DVL1: variants seen among roughly 807,000 people sequenced by gnomAD.
DVL1 encodes the protein dishevelled segment polarity protein 1.
A neutral mutation model predicts 65.0 loss-of-function variants in DVL1; 49 were observed. That is an observed-to-expected ratio of 0.75 (90% confidence interval 0.60 to 0.96). The LOEUF (loss-of-function observed/expected upper bound fraction) is 0.96. Among genes scored for constraint, DVL1 ranks in the 40% least tolerant of loss-of-function variants. DVL1 has a pLI of 0.00. For synonymous variants in DVL1, 608 were observed against 433.9 expected (o/e 1.40, Z -4.99); for missense variants, 1,197 against 1,045.4 (o/e 1.15, Z -2.00).
At chr1:1,336,566 C>G in intron 14 of DVL1, 51 bp from the exon 15 acceptor site, 1 of 1,477,212 alleles carries the variant, frequency 6.8e-7, no homozygotes, top group Non-Finnish European at 8.9e-7. Context: ...CAGGCCCGGC[C>G]ACGTCCAGAA....
intron 5 of DVL1, among the ~76,000 whole-genome samples, chr1:1,341,043 AC>A (rs1376407229): frequency 4.2e-5 from 6 of 143,170 alleles, no homozygotes; most frequent in Non-Finnish European, 6.0e-5. Flanking sequence ...GCACACACGC[AC>A]CCCTGCACAC....
In DVL1 at chr1:1,342,089, G is replaced by A. The variant is rs200770886; in HGVS notation, c.430C>T (p.Arg144Trp). ...ETGTESMVSH[R>W]RERARRRNRE... ...TTCCGGCGTCGGGCACGCTCCCGCC[G>A]GTGACTGACCATGGACTCCGTGCCT... is the stretch of plus-strand genomic sequence containing the variant. Residue 144 changes from arginine (R) to tryptophan (W), a missense_variant, in exon 4 of 15, where the codon CGG (arginine) becomes TGG (tryptophan). Coordinates refer to ENST00000378888, the MANE Select transcript of DVL1 (RefSeq NM_001330311.2). 51 of 1,594,366 alleles carry A rather than the reference G, an allele frequency of 3.2e-5. No homozygotes were observed. In the East Asian group the frequency reaches 8.6e-4, roughly 27 times the overall value.
At position 1,337,260 on chromosome 1, in the gene DVL1, C is replaced by G. The variant is rs888580193; in HGVS notation, c.1714+717G>C. Reference sequence around the variant, plus strand: ...TGGCCGCCTCTCCTCTCTCGCCCTCCTTCCTGGGCCCTCCACGAAGCCACC... The same window carrying G: ...TGGCCGCCTCTCCTCTCTCGCCCTCGTTCCTGGGCCCTCCACGAAGCCACC... On this transcript the variant is annotated intron_variant, in intron 14 of 14. Transcript: ENST00000378888. Among the ~76,000 whole-genome samples, 3 of 152,260 alleles carry G rather than the reference C, an allele frequency of 2.0e-5. No homozygotes were observed. The East Asian group carries it at 5.8e-4, about 29-fold the overall frequency.
intron 1 of DVL1, among the ~76,000 whole-genome samples, chr1:1,343,957 C>T (rs576295906): frequency 5.3e-5 from 8 of 152,294 alleles, no homozygotes; most frequent in African/African-American, 1.9e-4. Flanking sequence ...AGAGGGCACC[C>T]AGGCAGGCCG....
chr1:1,339,866 G>A (rs1456104596), intron 8 of DVL1, 54 bp from the exon 9 acceptor site: 29 of 1,591,706 alleles, frequency 1.8e-5, no homozygotes, highest in African/African-American at 4.0e-5. Flanking sequence ...TCAGTCCACC[G>A]CCCCCGCAGA....
chr1:1,338,425 C>T lies in DVL1; in HGVS notation c.1351G>A (p.Val451Met). 6.2e-7 allele frequency: 1 copy of T among 1,610,796 alleles called. No homozygotes were observed. Among genetic ancestry groups the T allele is most frequent in the Non-Finnish European group, 8.5e-7 (1 of 1,178,508 alleles). The change falls in exon 13 of 15, where the codon GTG (valine) becomes ATG (methionine). Residue 451 changes from valine to methionine, a missense_variant. Coordinates refer to ENST00000378888, the MANE Select transcript of DVL1 (RefSeq NM_001330311.2). ...IANAVIGADV[V>M]DWLYTHVEGF... ...TCCACGTGTGTGTACAGCCAGTCCACCACGTCCGCCCCTGGCCGGCACCAG... is the reference window on the plus strand; with the variant it reads ...TCCACGTGTGTGTACAGCCAGTCCATCACGTCCGCCCCTGGCCGGCACCAG...
intron 5 of DVL1, 117 bp from the exon 6 acceptor site, chr1:1,340,620 G>A: frequency 8.9e-7 from 1 of 1,128,392 alleles, no homozygotes; most frequent in Non-Finnish European, 1.3e-6. Flanking sequence ...TCCAAAGCAG[G>A]CTCAGTGCCT....
chr1:1,340,960 C>T (rs1053934694), intron 5 of DVL1, among the ~76,000 whole-genome samples: 16 of 147,008 alleles, frequency 1.1e-4, no homozygotes, highest in Admixed American at 4.7e-4. Context: ...CCCCTGCACA[C>T]TACACACCTG....
intron 1 of DVL1, among the ~76,000 whole-genome samples, chr1:1,345,914 G>A (rs1320102680): frequency 6.6e-6 from 1 of 152,060 alleles, no homozygotes; most frequent in African/African-American, 2.4e-5. Flanking sequence ...CCCAGAGCCA[G>A]GGGCTCTCCA....
intron 3 of DVL1, 28 bp from the exon 4 acceptor site, chr1:1,342,184 G>C: frequency 6.5e-7 from 1 of 1,536,782 alleles, no homozygotes; most frequent in Non-Finnish European, 8.8e-7. Flanking sequence ...GGTGGGTGGG[G>C]AGGCCGTGGC....
At chr1:1,336,717 A>T (rs1643590184) in intron 14 of DVL1, among the ~76,000 whole-genome samples, 1 of 152,148 alleles carries the variant, frequency 6.6e-6, no homozygotes, top group Non-Finnish European at 1.5e-5. Flanking sequence ...TGGTGGGGGC[A>T]GTGGGAGGCA....
At chr1:1,345,502 C>T (rs1176329326) in intron 1 of DVL1, among the ~76,000 whole-genome samples, 2 of 152,198 alleles carry the variant, frequency 1.3e-5, no homozygotes, top group Non-Finnish European at 2.9e-5. Context: ...GGGGTCCCCG[C>T]GCCTCTGTAG....
In DVL1 at chr1:1,342,054, C is replaced by T; in HGVS notation, c.465G>A (p.Glu155=). ...GCTGGGCAGACATGACCACTGTACCCTCCTCGCGGTTCCGGCGTCGGGCAC... is the reference window on the plus strand; with the variant it reads ...GCTGGGCAGACATGACCACTGTACCTTCCTCGCGGTTCCGGCGTCGGGCAC... ...RERARRRNRE[E]AARTNGHPRG... is the part of the protein sequence containing the mutation. The change falls in exon 4 of 15, where the codon GAG becomes GAA. Residue 155 remains glutamate, a splice_region_variant and synonymous_variant. Coordinates refer to ENST00000378888, the MANE Select transcript of DVL1 (RefSeq NM_001330311.2). 6.4e-7 allele frequency: 1 copy of T among 1,574,110 alleles called. No homozygotes were observed. The highest frequency in any genetic ancestry group is 1.2e-5 in the South Asian group (1 of 86,010).
chr1:1,337,990 A>G lies in DVL1; in HGVS notation c.1701T>C (p.Ser567=). The change falls in exon 14 of 15, where the codon AGT becomes AGC. Residue 567 remains serine, a synonymous_variant. Transcript: ENST00000378888. ...CGGCGTTCTCACCTTCACTCTGCTG[A>G]CTCCCGGTGCTGCCGCTGCCATAGC... ...GFSYGSGSTG[S]QQSEGSKSSG... 1 of 1,610,674 alleles carries G rather than the reference A, an allele frequency of 6.2e-7. No individual in the cohort carries two copies. The highest frequency in any genetic ancestry group is 8.5e-7 in the Non-Finnish European group (1 of 1,179,464).
intron 2 of DVL1, 92 bp downstream of exon 2, chr1:1,342,596 AG>A: frequency 6.3e-7 from 1 of 1,578,376 alleles, no homozygotes. Context: ...CCAGCCTGCC[AG>A]GGCCTCCCCA....
In DVL1 at chr1:1,349,047, T is replaced by C. The variant is rs1048783503; in HGVS notation, c.19A>G (p.Ile7Val). 9 of 1,537,594 alleles carry C rather than the reference T, an allele frequency of 5.9e-6. No homozygotes were observed. The highest frequency in any genetic ancestry group is 7.0e-6 in the Non-Finnish European group (8 of 1,138,162). ...GTCTCCTCCTCGTCCATGTGGTAGA[T>C]AATCTTGGTCTCCGCCATGGCGCGG... MAETKI[I>V]YHMDEEETPY... Residue 7 changes from isoleucine (I) to valine (V), a missense_variant, in exon 1 of 15, where the codon ATC becomes GTC. Coordinates refer to ENST00000378888, the MANE Select transcript of DVL1 (RefSeq NM_001330311.2). The surrounding 1 kb of genome is among the most constrained non-coding windows in gnomAD (Gnocchi z 4.1).
At chr1:1,339,234 A>G (rs1643697611) in intron 11 of DVL1, 53 bp downstream of exon 11, 1 of 1,545,576 alleles carries the variant, frequency 6.5e-7, no homozygotes, top group African/African-American at 1.4e-5. Context: ...GCTGGCAGAG[A>G]CGCCCCCTCC....
intron 1 of DVL1, 28 bp downstream of exon 1, chr1:1,348,868 G>C (rs1643967637): frequency 6.7e-7 from 1 of 1,501,806 alleles, no homozygotes; most frequent in Non-Finnish European, 8.9e-7. Flanking sequence ...CCCGCGCCAG[G>C]CTCGCGCAGG....
rs1456309138 is a variant in DVL1 at position 1,342,088 on chromosome 1, C to T, written c.431G>A (p.Arg144Gln). The T allele has an allele frequency of 9.4e-6, 15 of 1,594,070 alleles. No homozygotes were observed. The highest frequency in any genetic ancestry group is 4.0e-5 in the African/African-American group (3 of 74,648). The change falls in exon 4 of 15, where the codon CGG (arginine) becomes CAG (glutamine). Residue 144 changes from arginine (R) to glutamine (Q), a missense_variant. Coordinates refer to ENST00000378888, the MANE Select transcript of DVL1 (RefSeq NM_001330311.2). ...GTTCCGGCGTCGGGCACGCTCCCGC[C>T]GGTGACTGACCATGGACTCCGTGCC... ...ETGTESMVSH[R>Q]RERARRRNRE... is the part of the protein sequence containing the mutation.
Sources: gnomAD v4.1 joint callset for allele counts (sites outside exome capture counted in the v4.1 genomes callset) on GRCh38, gnomAD v4.1.1 for gene constraint, Gnocchi (gnomAD v3.1) non-coding constraint, MANE v1.5 for transcripts, NCBI Gene and HGNC (gene_info 2026-07-23, HGNC 2026-07-21) for gene names.